Variants in PDE6G observed in about 807,000 individuals in gnomAD.
PDE6G encodes the protein rod cGMP 3',5'-cyclic phosphodiesterase subunit gamma.
Under a neutral mutation model 10.9 loss-of-function variants are expected in PDE6G, and 10 were observed. The observed-to-expected ratio is 0.91, with a 90% CI of 0.56 to 1.55. The LOEUF (loss-of-function observed/expected upper bound fraction) is 1.55. Ranked by LOEUF, PDE6G falls within the 40% of genes most tolerant of loss-of-function variation. PDE6G has a pLI of 0.00. For synonymous variants in PDE6G, 41 were observed against 42.8 expected (o/e 0.96, Z 0.16); for missense variants, 102 against 110.1 (o/e 0.93, Z 0.33).
At chr17:81,655,181 C>T (rs1031167194) in intron 1 of PDE6G, among the ~76,000 whole-genome samples, 3 of 152,194 alleles carry the variant, frequency 2.0e-5, no homozygotes, top group Non-Finnish European at 4.4e-5. Context: ...AGCACCATGA[C>T]GGGCACCCCG....
chr17:81,653,554 T>G lies in PDE6G; in HGVS notation c.-59-190A>C. On this transcript the variant is annotated intron_variant, in intron 1 of 3. Transcript: ENST00000331056. The surrounding 1 kb of genome is among the most constrained non-coding windows in gnomAD (Gnocchi z 5.2). ...GCTTGGGTCCACCCGCACGCTCCCA[T>G]TCCCCTTGCCTAGTGGATGCCCCCC... 4 of 548,974 alleles carry G rather than the reference T, an allele frequency of 7.3e-6. No individual in the cohort carries two copies. The highest frequency in any genetic ancestry group is 3.1e-5 in the Admixed American group (1 of 32,254). The allele number at this position is 548,974 out of a possible 1,614,324, so 34.0% of individuals were successfully genotyped here.
chr17:81,657,881 AAAT>A (rs377330353), upstream of PDE6G, among the ~76,000 whole-genome samples: 24,498 of 130,876 alleles, frequency 0.19, 2,437 homozygotes, highest in Middle Eastern at 0.27. Flanking sequence ...ATTCTGTTTC[AAAT>A]GAATAAATAA....
At position 81,651,114 on chromosome 17, in the gene PDE6G, T is replaced by C. The variant is rs1673695084; in HGVS notation, c.224A>G (p.His75Arg). Residue 75 changes from histidine to arginine, a missense_variant, in exon 4 of 4, where the codon CAC becomes CGC. His to Arg is a conservative substitution (Grantham distance 29). Coordinates refer to ENST00000331056, the MANE Select transcript of PDE6G (RefSeq NM_002602.4). This position sits in a 1 kb window ranked among gnomAD's most constrained non-coding sequence, Gnocchi z 4.8. ...TTGGGCCAGCTCGTGCAGCTCCAGG[T>C]GGTTGAAGGCCTCCCAAGGGCAGAT... ...TVICPWEAFNHLELHELAQYG... is the reference protein window; with the variant it reads ...TVICPWEAFNRLELHELAQYG... The C allele has an allele frequency of 6.2e-7, 1 of 1,613,574 alleles. No individual in the cohort carries two copies. The highest frequency in any genetic ancestry group is 8.5e-7 in the Non-Finnish European group (1 of 1,179,800).
At chr17:81,662,481 G>C (rs1568192861) in intron 1 of PDE6G, among the ~76,000 whole-genome samples, 1 of 152,088 alleles carries the variant, frequency 6.6e-6, no homozygotes, top group Non-Finnish European at 1.5e-5. Context: ...AAATTAGCCA[G>C]ACGCTGTGGG....
Position 81,651,733 on chromosome 17 carries a change from C to T in PDE6G, c.147-48G>A. The T allele has an allele frequency of 1.2e-6, 2 of 1,603,066 alleles. No individual in the cohort carries two copies. Among genetic ancestry groups the T allele is most frequent in the Non-Finnish European group, 1.7e-6 (2 of 1,171,854 alleles). ...GACATGGCCGGGCCCAGTCCTGGCT[C>T]AGTCAGCCTGAGGCCCGAGGTCATC... On this transcript the variant is annotated intron_variant, in intron 2 of 3. Transcript: ENST00000331056. This position sits in a 1 kb window ranked among gnomAD's most constrained non-coding sequence, Gnocchi z 4.8.
In PDE6G at chr17:81,651,052, T is replaced by C; in HGVS notation, c.*22A>G. 6.3e-7 allele frequency: 1 copy of C among 1,583,900 alleles called. No homozygotes were observed. The highest frequency in any genetic ancestry group is 8.7e-7 in the Non-Finnish European group (1 of 1,152,630). ...CACAGTGGGCAGGAGGGGGAGGGTC[T>C]GGACTTCAGCAGGGCCTCGTGCTAG... is the stretch of plus-strand genomic sequence containing the variant. On this transcript the variant is annotated 3_prime_UTR_variant, in exon 4 of 4. Coordinates refer to ENST00000331056, the MANE Select transcript of PDE6G (RefSeq NM_002602.4). The surrounding 1 kb of genome is among the most constrained non-coding windows in gnomAD (Gnocchi z 4.8).
intron 1 of PDE6G, among the ~76,000 whole-genome samples, chr17:81,655,811 C>T (rs1300668240): frequency 6.6e-6 from 1 of 151,968 alleles, no homozygotes; most frequent in Non-Finnish European, 1.5e-5. Flanking sequence ...CTACTACCAG[C>T]TGTTTGCCGA....
chr17:81,656,883 C>T (rs975441608), upstream of PDE6G: 4 of 485,666 alleles, frequency 8.2e-6, no homozygotes, highest in African/African-American at 3.9e-5. Context: ...TCCCCAAAAC[C>T]CTCTGCAGCC....
chr17:81,650,787 G>A lies in PDE6G; in HGVS notation c.*287C>T, dbSNP rs983832151. 5.7e-6 allele frequency: 3 copies of A among 529,322 alleles called. No individual in the cohort carries two copies. The African/African-American group carries it at 5.7e-5, about 10-fold the overall frequency. 32.8% of individuals were successfully genotyped at this position (529,322 alleles called of 1,614,324 possible). On this transcript the variant is annotated 3_prime_UTR_variant, in exon 4 of 4. Coordinates refer to ENST00000331056, the MANE Select transcript of PDE6G (RefSeq NM_002602.4). The stretch of plus-strand genomic sequence containing the variant: ...CTGGGGTCCACTTCCCGTTCTCCCT[G>A]GGAGTGGAGACCGACCAAGCCTCTC...
At chr17:81,660,961 C>G (rs73371263), upstream of PDE6G, among the ~76,000 whole-genome samples, 13,278 of 152,182 alleles carry the variant, frequency 0.087, 817 homozygotes, top group East Asian at 0.22. Flanking sequence ...CTCTGCCACC[C>G]AGGCTGGAGT....
chr17:81,652,507 G>A (rs973260944), intron 2 of PDE6G, among the ~76,000 whole-genome samples: 2 of 151,964 alleles, frequency 1.3e-5, no homozygotes, highest in Non-Finnish European at 2.9e-5. Flanking sequence ...TCGATCTCCT[G>A]ACCTCGTGAT....
chr17:81,662,845 A>G (rs754996459), intron 1 of PDE6G, among the ~76,000 whole-genome samples: 1 of 151,788 alleles, frequency 6.6e-6, no homozygotes, highest in Non-Finnish European at 1.5e-5. Context: ...TAAAAATACA[A>G]AAAATTAGCT....
At chr17:81,655,572 G>A (rs1319082260) in intron 1 of PDE6G, among the ~76,000 whole-genome samples, 3 of 152,226 alleles carry the variant, frequency 2.0e-5, no homozygotes, top group Non-Finnish European at 2.9e-5. Context: ...CAGTGACCTG[G>A]GCCAAGGGCA....
rs977359880 is a variant in PDE6G at position 81,651,092 on chromosome 17, G to T, written c.246C>A (p.Ala82=). The change falls in exon 4 of 4, where the codon GCC becomes GCA. Residue 82 remains alanine (A), a synonymous_variant. Coordinates refer to ENST00000331056, the MANE Select transcript of PDE6G (RefSeq NM_002602.4). This position sits in a 1 kb window ranked among gnomAD's most constrained non-coding sequence, Gnocchi z 4.8. ...CCTCGTGCTAGATGATGCCATATTG[G>T]GCCAGCTCGTGCAGCTCCAGGTGGT... is the stretch of plus-strand genomic sequence containing the variant. ...AFNHLELHEL[A]QYGII 1 of 1,613,510 alleles carries T rather than the reference G, an allele frequency of 6.2e-7. No homozygotes were observed. Among genetic ancestry groups the T allele is most frequent in the Admixed American group, 1.7e-5 (1 of 60,020 alleles).
upstream of PDE6G, among the ~76,000 whole-genome samples, chr17:81,661,333 C>G (rs1421765603): frequency 1.3e-5 from 2 of 152,234 alleles, no homozygotes; most frequent in Non-Finnish European, 2.9e-5. Context: ...CTGCAGTGAG[C>G]TATGCCTGAT....
At chr17:81,661,849 A>T (rs2036514982) in intron 1 of PDE6G, among the ~76,000 whole-genome samples, 1 of 108,774 alleles carries the variant, frequency 9.2e-6, no homozygotes, top group African/African-American at 3.9e-5. Flanking sequence ...ACAGAGTGAG[A>T]CTCTGTCTCA....
intron 1 of PDE6G, chr17:81,663,047 G>A (rs1422711616): frequency 6.6e-6 from 1 of 152,240 alleles, no homozygotes; most frequent in African/African-American, 2.4e-5. Context: ...AGCACAGGAT[G>A]AGGAATCTTA....
In PDE6G at chr17:81,650,717, C is replaced by T. The variant is rs1418151157; in HGVS notation, c.*357G>A. On this transcript the variant is annotated 3_prime_UTR_variant, in exon 4 of 4. Transcript: ENST00000331056. ...CTCTGGGGAGACCTGCCCTAGCTTT[C>T]CAGCTGGGAGGAGGGGACGATCTGG... 2.2e-6 allele frequency: 1 copy of T among 459,554 alleles called. No individual in the cohort carries two copies. Among genetic ancestry groups the T allele is most frequent in the Non-Finnish European group, 4.4e-6 (1 of 229,618 alleles). The allele number at this position is 459,554 out of a possible 1,614,324, so 28.5% of individuals were successfully genotyped here.
upstream of PDE6G, among the ~76,000 whole-genome samples, chr17:81,659,959 C>A (rs1032200796): frequency 1.3e-5 from 2 of 152,104 alleles, no homozygotes; most frequent in African/African-American, 4.8e-5. Context: ...GTGGTGCATG[C>A]TTGTAATCCC....
Sources: gnomAD v4.1 joint callset for allele counts (sites outside exome capture counted in the v4.1 genomes callset) on GRCh38, gnomAD v4.1.1 for gene constraint, Gnocchi (gnomAD v3.1) non-coding constraint, MANE v1.5 for transcripts, NCBI Gene and HGNC (gene_info 2026-07-23, HGNC 2026-07-21) for gene names.